PRRT1B: variants seen among roughly 807,000 people sequenced by gnomAD.
PRRT1B encodes proline rich transmembrane protein 1B, also known as dispanin subfamily D member 2.
chr9:131,557,573 G>A (rs1241969053), intron 3 of PRRT1B, among the ~76,000 whole-genome samples: 1 of 152,122 alleles, frequency 6.6e-6, no homozygotes, highest in Non-Finnish European at 1.5e-5. Context: ...AAGGCTCTGG[G>A]GGGCCTATGC....
At chr9:131,556,643 T>C (rs902699310) in intron 3 of PRRT1B, among the ~76,000 whole-genome samples, 10 of 151,006 alleles carry the variant, frequency 6.6e-5, no homozygotes, top group African/African-American at 1.2e-4. Context: ...ATCTCTCTCT[T>C]TTTTTTTGAT....
chr9:131,545,838 T>C (rs1489838127), intron 1 of PRRT1B, among the ~76,000 whole-genome samples, 198 bp downstream of exon 1: 1 of 82,726 alleles, frequency 1.2e-5, no homozygotes, highest in African/African-American at 5.0e-5. Flanking sequence ...CAGGTGCTGG[T>C]GGGGCGGGTG....
exon 3 of PRRT1B, chr9:131,556,109 G>A (rs1951047759): frequency 5.0e-6 from 2 of 401,150 alleles, no homozygotes; most frequent in East Asian, 7.1e-5. Context: ...CCCTGCCACG[G>A]TGGAGCACAG....
downstream of PRRT1B, among the ~76,000 whole-genome samples, chr9:131,559,300 G>A (rs563674104): frequency 1.9e-4 from 29 of 152,286 alleles, no homozygotes; most frequent in African/African-American, 6.0e-4. Context: ...AAAATTAGCC[G>A]AGTGTAGTGG....
downstream of PRRT1B, among the ~76,000 whole-genome samples, chr9:131,559,077 G>A (rs1305334271): frequency 1.3e-5 from 2 of 152,176 alleles, no homozygotes; most frequent in Non-Finnish European, 2.9e-5. Flanking sequence ...TATGACTCTG[G>A]CATCAGATTC....
chr9:131,554,703 G>C (rs1350848813), exon 2 of PRRT1B: 2 of 363,894 alleles, frequency 5.5e-6, no homozygotes, highest in African/African-American at 4.3e-5. Flanking sequence ...GGACGAGGAC[G>C]GGGCGCCCAG....
intron 2 of PRRT1B, among the ~76,000 whole-genome samples, chr9:131,555,831 A>AGAGGGCAGGACTGAGGGCTCAGTGGGACT (rs1430061435): frequency 6.6e-6 from 1 of 152,194 alleles, no homozygotes; most frequent in African/African-American, 2.4e-5. Context: ...AGCCAATGGT[A>AGAGGGCAGGACTGAGGGCTCAGTGGGACT]GAGGGCAGGA....
At chr9:131,546,384 C>T (rs1277543570) in intron 1 of PRRT1B, among the ~76,000 whole-genome samples, 1 of 152,166 alleles carries the variant, frequency 6.6e-6, no homozygotes, top group East Asian at 1.9e-4. Context: ...ACGTCGCCCA[C>T]CCCCAGGCGT....
rs992129477 is a variant in PRRT1B at position 131,545,710 on chromosome 9, A to G, written c.25+70A>G. The G allele has an allele frequency of 3.2e-4, 102 of 322,206 alleles. No individual in the cohort carries two copies. In the African/African-American group the frequency reaches 3.4e-3, roughly 11 times the overall value. 20.0% of individuals were successfully genotyped at this position (322,206 alleles called of 1,614,324 possible). A position where few individuals can be genotyped will look rare whatever the true frequency, so the allele number is the denominator to read the frequency against. On this transcript the variant is annotated intron_variant, in intron 1 of 3. Coordinates refer to ENST00000636672, the Ensembl canonical transcript of PRRT1B. ...GGTACTGGCGGGGCAGGTACTGGCG[A>G]GGCAGGTACTGGAGGGGCAGGTACT...
At chr9:131,554,433 C>T (rs12342690) in intron 1 of PRRT1B, 124 bp from the exon 2 acceptor site, 11,524 of 364,922 alleles carry the variant, frequency 0.032, 849 homozygotes, top group African/African-American at 0.19. Flanking sequence ...AGTCCCTTTG[C>T]GTCACGATCC....
At chr9:131,554,039 C>T (rs983843404) in intron 1 of PRRT1B, among the ~76,000 whole-genome samples, 8 of 152,138 alleles carry the variant, frequency 5.3e-5, no homozygotes, top group African/African-American at 1.9e-4. Context: ...GCATATGGCC[C>T]TTAGTGACCT....
chr9:131,555,497 G>C, intron 2 of PRRT1B, among the ~76,000 whole-genome samples: 1 of 152,050 alleles, frequency 6.6e-6, no homozygotes, highest in South Asian at 2.1e-4. Context: ...GCAACATAGT[G>C]AGCCCTCATC....
chr9:131,556,543 C>A (rs754751042), intron 3 of PRRT1B, among the ~76,000 whole-genome samples: 1 of 152,176 alleles, frequency 6.6e-6, no homozygotes, highest in African/African-American at 2.4e-5. Context: ...TTCCTATGCT[C>A]ATCTCATCTA....
intron 2 of PRRT1B, among the ~76,000 whole-genome samples, chr9:131,555,360 G>A (rs565253176): frequency 6.6e-6 from 1 of 152,226 alleles, no homozygotes. Flanking sequence ...TGGGCAGGAG[G>A]TGACTTGATT....
chr9:131,554,445 A>G (rs1022559322), intron 1 of PRRT1B, 112 bp from the exon 2 acceptor site: 4 of 363,276 alleles, frequency 1.1e-5, no homozygotes, highest in African/African-American at 2.1e-5. Flanking sequence ...TCACGATCCT[A>G]TGAGGCCCAG....
At chr9:131,546,869 T>TA (rs1950978868) in intron 1 of PRRT1B, among the ~76,000 whole-genome samples, 1 of 152,044 alleles carries the variant, frequency 6.6e-6, no homozygotes, top group African/African-American at 2.4e-5. Context: ...CGGTTTTTGT[T>TA]ATGATAGCTG....
At chr9:131,546,383 A>G (rs1178440324) in intron 1 of PRRT1B, among the ~76,000 whole-genome samples, 1 of 151,678 alleles carries the variant, frequency 6.6e-6, no homozygotes, top group Admixed American at 6.6e-5. Context: ...GACGTCGCCC[A>G]CCCCCAGGCG....
exon 2 of PRRT1B, chr9:131,554,721 G>A (rs927159377): frequency 1.5e-5 from 5 of 342,144 alleles, no homozygotes; most frequent in African/African-American, 8.7e-5. Context: ...CAGCGAGGAC[G>A]GGGCCGCGGG....
chr9:131,545,854 G>A, intron 1 of PRRT1B, among the ~76,000 whole-genome samples: 1 of 152,098 alleles, frequency 6.6e-6, no homozygotes, highest in Non-Finnish European at 1.5e-5. Flanking sequence ...GGGTGCTGGA[G>A]GGGGTTTAGC....
Sources: gnomAD v4.1 joint callset for allele counts (sites outside exome capture counted in the v4.1 genomes callset) on GRCh38, gnomAD v4.1.1 for gene constraint, MANE v1.5 for transcripts, NCBI Gene and HGNC (gene_info 2026-07-23, HGNC 2026-07-21) for gene names.